The following RSPO4 variants were observed in gnomAD, a reference collection of about 807,000 sequenced individuals.
RSPO4 encodes the protein R-spondin 4.
A neutral mutation model predicts 24.8 loss-of-function variants in RSPO4; 23 were observed. The observed-to-expected ratio is 0.93, with a 90% confidence interval of 0.67 to 1.31. The LOEUF (loss-of-function observed/expected upper bound fraction) is 1.31, where lower values mean the gene tolerates loss of function less well. Among genes scored for constraint, RSPO4 ranks in the 40% most tolerant of loss-of-function variants. The pLI is 0.00. For missense variants in RSPO4, 333 were observed against 316.5 expected, an observed-to-expected ratio of 1.05 and a Z score of -0.39; for synonymous variants, 141 against 127.4, an observed-to-expected ratio of 1.11 and a Z score of -0.72.
Position 996,171 on chromosome 20 carries a change from A to C in RSPO4, c.79+5915T>G, listed in dbSNP as rs1985279224. Among the ~76,000 whole-genome samples the C allele has an allele frequency of 3.9e-5, 6 of 152,088 alleles. No homozygotes were observed. In the South Asian group the frequency reaches 1.2e-3, roughly 32 times the overall value. ...ATTTACTATCTGACCCTTCGCAAAA[A>C]ATGTTTGCTGACCCCACTCTATTTT... On this transcript the variant is annotated intron_variant, in intron 1 of 4. Transcript: ENST00000217260.
chr20:999,549 G>A (rs1600103608), intron 1 of RSPO4, among the ~76,000 whole-genome samples: 1 of 152,150 alleles, frequency 6.6e-6, no homozygotes, highest in East Asian at 1.9e-4. Flanking sequence ...ATACAACTGG[G>A]TCAGGGGTGT....
In RSPO4 at chr20:970,317, G is replaced by T. The variant is rs1188640530; in HGVS notation, c.80-2179C>A. On this transcript the variant is annotated intron_variant, in intron 1 of 4. Transcript: ENST00000217260. The surrounding 1 kb of genome is among the most constrained non-coding windows in gnomAD (Gnocchi z 4.1). ...CTGCTCCAGCTCTCGGATGAGTACT[G>T]CTACTTCCCCAGTCCTCACCTTCTG... Among the ~76,000 whole-genome samples, 1 of 152,004 alleles carries T rather than the reference G, an allele frequency of 6.6e-6. No homozygotes were observed. The highest frequency in any genetic ancestry group is 1.5e-5 in the Non-Finnish European group (1 of 68,008).
At chr20:985,459 T>C (rs6056421) in intron 1 of RSPO4, among the ~76,000 whole-genome samples, 42,812 of 152,204 alleles carry the variant, frequency 0.28, 9,884 homozygotes, top group African/African-American at 0.63. Flanking sequence ...TAGAAAGACA[T>C]ACAAAATCAT....
chr20:979,237 A>C (rs868362383), intron 1 of RSPO4, among the ~76,000 whole-genome samples: 105 of 151,814 alleles, frequency 6.9e-4, no homozygotes, highest in African/African-American at 2.5e-3. Flanking sequence ...CTCATCCTCC[A>C]TGTTCCCCAT....
intron 2 of RSPO4, 151 bp from the exon 3 acceptor site, chr20:967,465 C>A: frequency 1.3e-6 from 1 of 777,490 alleles, no homozygotes; most frequent in Non-Finnish European, 2.2e-6. Context: ...CAGACTTGGC[C>A]AAGGTCAAAC....
intron 3 of RSPO4, 91 bp downstream of exon 3, chr20:967,083 A>T: frequency 7.6e-7 from 1 of 1,319,786 alleles, no homozygotes; most frequent in Non-Finnish European, 1.0e-6. Flanking sequence ...ATTCTACTGT[A>T]ATTTCTTCCA....
Position 981,977 on chromosome 20 carries a change from C to G in RSPO4, c.80-13839G>C, listed in dbSNP as rs1984748449. On this transcript the variant is annotated intron_variant, in intron 1 of 4. Coordinates refer to ENST00000217260, the MANE Select transcript of RSPO4 (RefSeq NM_001029871.4). This position sits in a 1 kb window ranked among gnomAD's most constrained non-coding sequence, Gnocchi z 4.6. ...CATCTATTCTGCCCTCCATTAGCTACTCATTAAGAGAAGTTACATTTGTGT... is the reference window on the plus strand; with the variant it reads ...CATCTATTCTGCCCTCCATTAGCTAGTCATTAAGAGAAGTTACATTTGTGT... 6.6e-6 allele frequency among the ~76,000 whole-genome samples: 1 copy of G among 152,226 alleles called. No homozygotes were observed. The highest frequency in any genetic ancestry group is 2.1e-4 in the South Asian group (1 of 4,828).
chr20:978,978 C>T (rs1266471541), intron 1 of RSPO4, among the ~76,000 whole-genome samples: 1 of 152,070 alleles, frequency 6.6e-6, no homozygotes, highest in African/African-American at 2.4e-5. Context: ...GGAAACTTTT[C>T]ATCCTTTGCC....
chr20:971,140 C>G (rs949280957), intron 1 of RSPO4, among the ~76,000 whole-genome samples: 1 of 152,236 alleles, frequency 6.6e-6, no homozygotes, highest in Non-Finnish European at 1.5e-5. Flanking sequence ...CCACGACTGG[C>G]CTGATGTCTC....
At chr20:965,451 G>A (rs1030091964) in intron 3 of RSPO4, among the ~76,000 whole-genome samples, 2 of 152,260 alleles carry the variant, frequency 1.3e-5, no homozygotes, top group African/African-American at 4.8e-5. Flanking sequence ...CCAGGGCCTG[G>A]GTGGGCTCCG....
Position 960,130 on chromosome 20 carries a change from A to G in RSPO4, c.*227T>C. On this transcript the variant is annotated 3_prime_UTR_variant, in exon 5 of 5. Transcript: ENST00000217260. The stretch of plus-strand genomic sequence containing the variant: ...AGTGAGAAAGAAGAGGAAGGAAGGG[A>G]AGGAGGGAGGGAGAAAGGAGAGGAG... The G allele has an allele frequency of 1.7e-6, 1 of 581,750 alleles. No individual in the cohort carries two copies. The highest frequency in any genetic ancestry group is 3.1e-6 in the Non-Finnish European group (1 of 326,780). 36.0% of individuals were successfully genotyped at this position (581,750 alleles called of 1,614,324 possible). A position where few individuals can be genotyped will look rare whatever the true frequency, so the allele number is the denominator to read the frequency against.
At chr20:968,724 C>T (rs1172023808) in intron 1 of RSPO4, among the ~76,000 whole-genome samples, 1 of 152,194 alleles carries the variant, frequency 6.6e-6, no homozygotes, top group Non-Finnish European at 1.5e-5. Flanking sequence ...GAGACCCTCA[C>T]CCTCCTGCTG....
chr20:988,057 TACACAAGAAA>T (rs1984976590), intron 1 of RSPO4, among the ~76,000 whole-genome samples: 10 of 152,170 alleles, frequency 6.6e-5, no homozygotes, highest in Admixed American at 2.6e-4. Context: ...ATCTCTGAGA[TACACAAGAAA>T]GCACTCTTGG....
intron 1 of RSPO4, among the ~76,000 whole-genome samples, chr20:975,703 C>T (rs1006637875): frequency 6.6e-6 from 1 of 152,176 alleles, no homozygotes; most frequent in African/African-American, 2.4e-5. Context: ...CATTCATCGA[C>T]CCATTCATTC....
At chr20:982,446 GTTTCT>G (rs1350507967) in intron 1 of RSPO4, among the ~76,000 whole-genome samples, 1 of 152,218 alleles carries the variant, frequency 6.6e-6, no homozygotes, top group East Asian at 1.9e-4. Flanking sequence ...CTGGAGAAGA[GTTTCT>G]TTTCTTTTCA....
intron 2 of RSPO4, among the ~76,000 whole-genome samples, chr20:967,598 C>T (rs1984254992): frequency 6.6e-6 from 1 of 152,194 alleles, no homozygotes; most frequent in Non-Finnish European, 1.5e-5. Flanking sequence ...TTCTTTTTCA[C>T]CTCAGAAATA....
chr20:975,986 T>C (rs533776221), intron 1 of RSPO4, among the ~76,000 whole-genome samples: 27 of 152,308 alleles, frequency 1.8e-4, no homozygotes, highest in African/African-American at 4.3e-4. Flanking sequence ...TTTTCTGCCC[T>C]CAAGGGACTT....
chr20:997,673 G>A (rs1458903348), intron 1 of RSPO4, among the ~76,000 whole-genome samples: 2 of 152,188 alleles, frequency 1.3e-5, no homozygotes, highest in African/African-American at 4.8e-5. Context: ...CCAGGGCCTG[G>A]TGCATCTGTC....
At chr20:975,000 GA>G (rs1984519982) in intron 1 of RSPO4, among the ~76,000 whole-genome samples, 1 of 152,196 alleles carries the variant, frequency 6.6e-6, no homozygotes, top group African/African-American at 2.4e-5. Context: ...CCTTGAGACA[GA>G]AAAAATTTCT....
Sources: gnomAD v4.1 joint callset for allele counts (sites outside exome capture counted in the v4.1 genomes callset) on GRCh38, gnomAD v4.1.1 for gene constraint, Gnocchi (gnomAD v3.1) non-coding constraint, MANE v1.5 for transcripts, NCBI Gene and HGNC (gene_info 2026-07-23, HGNC 2026-07-21) for gene names.